The following TLN2 variants were observed in gnomAD, a reference collection of about 807,000 sequenced individuals.
TLN2 encodes talin 2.
A neutral mutation model predicts 294.7 loss-of-function variants in TLN2; 118 were observed. The ratio of observed to expected loss-of-function variants is 0.40; its 90% CI spans 0.34 to 0.47. The LOEUF is 0.47. Ranked by LOEUF, TLN2 falls within the 20% of genes least tolerant of loss-of-function variation. The pLI, the probability that TLN2 is intolerant of heterozygous loss-of-function variation, is 0.84. For synonymous variants in TLN2, 1,431 were observed against 1,304.5 expected (o/e 1.10, Z -2.09); for missense variants, 3,083 against 3,282.2 (o/e 0.94, Z 1.48).
intron 1 of TLN2, among the ~76,000 whole-genome samples, chr15:62,564,925 A>AAAAATATATATATAT: frequency 1.2e-5 from 1 of 80,630 alleles, no homozygotes; most frequent in African/African-American, 4.8e-5. Flanking sequence ...AAAAAAAAAA[A>AAAAATATATATATAT]ATATATATAT....
At chr15:62,668,184 AAG>A (rs1351353351) in intron 9 of TLN2, among the ~76,000 whole-genome samples, 3 of 152,180 alleles carry the variant, frequency 2.0e-5, no homozygotes, top group Admixed American at 6.5e-5. Flanking sequence ...GAAATTTGCA[AAG>A]AGTAAATTTT....
chr15:62,505,715 A>G lies in TLN2; in HGVS notation c.-237-83972A>G, dbSNP rs185074443. 1.9e-3 allele frequency among the ~76,000 whole-genome samples: 286 copies of G among 152,322 alleles called. No homozygotes were observed. The Middle Eastern group carries it at 0.044, about 24-fold the overall frequency. Reference sequence around the variant, plus strand: ...GTGCTTGGTTAAGAATTGATTTGTGACATCTGTAGGGAGCAAATTAAGGAA... The same window carrying G: ...GTGCTTGGTTAAGAATTGATTTGTGGCATCTGTAGGGAGCAAATTAAGGAA... On this transcript the variant is annotated intron_variant, in intron 1 of 58. Coordinates refer to ENST00000636159, the MANE Select transcript of TLN2 (RefSeq NM_015059.3).
Position 62,835,881 on chromosome 15 carries a change from C to G in TLN2, c.7192-10C>G. The G allele has an allele frequency of 6.2e-7, 1 of 1,614,240 alleles. No individual in the cohort carries two copies. Among genetic ancestry groups the G allele is most frequent in the Non-Finnish European group, 8.5e-7 (1 of 1,180,042 alleles). On this transcript the variant is annotated splice_polypyrimidine_tract_variant and intron_variant, in intron 56 of 58. Transcript: ENST00000636159. ...GGGCCTTGGGTCACTTCTCCGTTGACTGTCCCCAGGCCCGGATGGTGGCGG... is the reference window on the plus strand; with the variant it reads ...GGGCCTTGGGTCACTTCTCCGTTGAGTGTCCCCAGGCCCGGATGGTGGCGG...
chr15:62,560,042 G>A (rs1207448369), intron 1 of TLN2, among the ~76,000 whole-genome samples: 1 of 152,120 alleles, frequency 6.6e-6, no homozygotes, highest in African/African-American at 2.4e-5. Flanking sequence ...TCCCTGGCCT[G>A]GAAATGGATT....
chr15:62,413,518 C>T (rs2033899096), intron 1 of TLN2, among the ~76,000 whole-genome samples: 1 of 152,210 alleles, frequency 6.6e-6, no homozygotes, highest in African/African-American at 2.4e-5. Context: ...GGCTGTTTCT[C>T]TTGGCTTGAC....
chr15:62,398,633 G>A (rs1447348758), intron 1 of TLN2, among the ~76,000 whole-genome samples: 1 of 152,152 alleles, frequency 6.6e-6, no homozygotes, highest in African/African-American at 2.4e-5. Context: ...ATGGAGATGA[G>A]GAACTTCTTG....
intron 45 of TLN2, among the ~76,000 whole-genome samples, chr15:62,785,833 C>T (rs540755130): frequency 2.0e-5 from 3 of 152,124 alleles, no homozygotes; most frequent in African/African-American, 7.2e-5. Flanking sequence ...ACGTGTGAAA[C>T]AAGCAGATTT....
At chr15:62,393,329 ACTAGGGATATTCTGTACAGGCATAGG>A (rs1336396939) in intron 1 of TLN2, among the ~76,000 whole-genome samples, 3 of 152,226 alleles carry the variant, frequency 2.0e-5, no homozygotes, top group African/African-American at 7.2e-5. Flanking sequence ...TGAATGAGTT[ACTAGGGATATTCTGTACAGGCATAGG>A]CTATATATGT....
intron 3 of TLN2, among the ~76,000 whole-genome samples, chr15:62,643,405 ATTTTTTTTTTTTTTTTTTTTTT>A (rs571288380): frequency 2.2e-5 from 2 of 90,750 alleles, no homozygotes; most frequent in Non-Finnish European, 4.0e-5. Context: ...TGGTTCCAGG[ATTTTTTTTTTTTTTTTTTTTTT>A]TTTTTTTTTT....
intron 1 of TLN2, among the ~76,000 whole-genome samples, chr15:62,403,226 AAAAG>A (rs950140352): frequency 6.7e-6 from 1 of 149,926 alleles, no homozygotes; most frequent in Non-Finnish European, 1.5e-5. Flanking sequence ...TCAAAAAAAA[AAAAG>A]AGAGGAAAAA....
chr15:62,508,315 C>G (rs1256396444), intron 1 of TLN2, among the ~76,000 whole-genome samples: 5 of 152,142 alleles, frequency 3.3e-5, no homozygotes, highest in Non-Finnish European at 7.3e-5. Context: ...CTCCCGGGTT[C>G]AAGCGATTCT....
chr15:62,711,864 C>G, intron 21 of TLN2, 47 bp from the exon 22 acceptor site: 1 of 1,561,046 alleles, frequency 6.4e-7, no homozygotes, highest in Middle Eastern at 2.3e-4. Flanking sequence ...TTTTACTGAC[C>G]TTTGAAAAGC....
chr15:62,760,617 T>A lies in TLN2; in HGVS notation c.4639-1064T>A, dbSNP rs180910239. On this transcript the variant is annotated intron_variant, in intron 37 of 58. Transcript: ENST00000636159. ...TCATTGGGTCACAGGCTGTAGGTTC[T>A]AACAGTCTTGATCCTGAGGAGGTAG... Among the ~76,000 whole-genome samples, 3 of 152,288 alleles carry A rather than the reference T, an allele frequency of 2.0e-5. No individual in the cohort carries two copies. The East Asian group carries it at 5.8e-4, about 29-fold the overall frequency.
intron 1 of TLN2, among the ~76,000 whole-genome samples, chr15:62,541,914 A>G (rs4774437): frequency 0.52 from 78,245 of 150,964 alleles, 21,253 homozygotes; most frequent in African/African-American, 0.69. Flanking sequence ...TGGCTACTCC[A>G]GCTGCTTTGC....
At chr15:62,630,628 A>T (rs2049709801) in intron 3 of TLN2, among the ~76,000 whole-genome samples, 1 of 152,068 alleles carries the variant, frequency 6.6e-6, no homozygotes, top group Non-Finnish European at 1.5e-5. Flanking sequence ...GGTATATCAC[A>T]ACAAGATTTA....
At chr15:62,839,570 G>A (rs976215342) in intron 58 of TLN2, among the ~76,000 whole-genome samples, 3 of 152,174 alleles carry the variant, frequency 2.0e-5, no homozygotes, top group African/African-American at 4.8e-5. Flanking sequence ...GCATTCTCAC[G>A]CATGGGAGTG....
chr15:62,697,864 C>T lies in TLN2; in HGVS notation c.1469C>T (p.Pro490Leu). ...VGQMHRGHMP[P>L]LTSAQQALMG... ...CAGATGCACCGAGGCCACATGCCGC[C>T]ACTGGTGAGGCTTCCTGTGCTCGTC... The change falls in exon 15 of 59, where the codon CCA (proline) becomes CTA (leucine). Residue 490 changes from proline to leucine, a missense_variant. Physicochemically the swap from Pro to Leu is moderately conservative, Grantham distance 98 (BLOSUM62 -3). Coordinates refer to ENST00000636159, the MANE Select transcript of TLN2 (RefSeq NM_015059.3). The T allele has an allele frequency of 3.1e-6, 5 of 1,611,906 alleles. No individual in the cohort carries two copies. Among genetic ancestry groups the T allele is most frequent in the Non-Finnish European group, 4.2e-6 (5 of 1,179,642 alleles).
At chr15:62,611,154 A>C (rs12906256) in intron 2 of TLN2, among the ~76,000 whole-genome samples, 2 of 152,128 alleles carry the variant, frequency 1.3e-5, no homozygotes, top group Non-Finnish European at 1.5e-5. Flanking sequence ...ATAGAGCGAT[A>C]TTAACATATT....
At chr15:62,778,243 C>T (rs1290778954) in intron 43 of TLN2, among the ~76,000 whole-genome samples, 1 of 152,232 alleles carries the variant, frequency 6.6e-6, no homozygotes, top group African/African-American at 2.4e-5. Context: ...TTTGTCAAAT[C>T]ATCCATCAGT....
Sources: gnomAD v4.1 joint callset for allele counts (sites outside exome capture counted in the v4.1 genomes callset) on GRCh38, gnomAD v4.1.1 for gene constraint, MANE v1.5 for transcripts, NCBI Gene and HGNC (gene_info 2026-07-23, HGNC 2026-07-21) for gene names.